PLD5: variants seen among roughly 807,000 people sequenced by gnomAD.
PLD5 encodes the protein inactive phospholipase D5.
Under a neutral mutation model 61.1 loss-of-function variants are expected in PLD5, and 36 were observed. The ratio of observed to expected loss-of-function variants is 0.59; its 90% confidence interval spans 0.45 to 0.78. The LOEUF is 0.78. Ranked by LOEUF, PLD5 falls within the 30% of genes least tolerant of loss-of-function variation. The pLI, the probability that PLD5 is intolerant of heterozygous loss-of-function variation, is 0.00. For missense variants in PLD5, 515 were observed against 644.4 expected, an observed-to-expected ratio of 0.80 and a Z score of 2.17; for synonymous variants, 243 against 242.8, an observed-to-expected ratio of 1.00 and a Z score of -0.01.
chr1:242,470,306 C>G (rs917506602), intron 1 of PLD5, among the ~76,000 whole-genome samples: 2 of 149,822 alleles, frequency 1.3e-5, no homozygotes, highest in Non-Finnish European at 3.0e-5. Context: ...CGCACCACTG[C>G]ACTCCAGCTT....
intron 1 of PLD5, among the ~76,000 whole-genome samples, chr1:242,362,926 A>G (rs1339248420): frequency 6.6e-6 from 1 of 152,122 alleles, no homozygotes; most frequent in Admixed American, 6.5e-5. Context: ...ACCCACACTG[A>G]GTGAGCTTCC....
chr1:242,213,884 C>T (rs184034323), intron 5 of PLD5, among the ~76,000 whole-genome samples: 4 of 151,286 alleles, frequency 2.6e-5, no homozygotes, highest in East Asian at 1.9e-4. Context: ...GCTCACATAC[C>T]GGGACTAAAA....
chr1:242,306,397 T>C (rs12132881), intron 2 of PLD5, among the ~76,000 whole-genome samples: 9,017 of 151,974 alleles, frequency 0.059, 281 homozygotes, highest in Middle Eastern at 0.1. Flanking sequence ...CCTTCCATGC[T>C]CCAGCCTACT....
chr1:242,145,296 A>G (rs1416377347), intron 5 of PLD5, among the ~76,000 whole-genome samples: 6 of 152,318 alleles, frequency 3.9e-5, no homozygotes, highest in South Asian at 2.1e-4. Context: ...TCAAGAGTAG[A>G]CAGTTTCCTC....
intron 1 of PLD5, among the ~76,000 whole-genome samples, chr1:242,500,085 G>T (rs147594946): frequency 6.6e-6 from 1 of 152,128 alleles, no homozygotes; most frequent in Admixed American, 6.5e-5. Context: ...TTCAGATGCC[G>T]CACAGTCTTT....
intron 7 of PLD5, among the ~76,000 whole-genome samples, chr1:242,111,674 G>A (rs953350459): frequency 1.3e-5 from 2 of 152,100 alleles, no homozygotes; most frequent in Admixed American, 6.6e-5. Context: ...AGATAAAGAT[G>A]AGTAACCAGT....
At chr1:242,487,553 T>C (rs975408893) in intron 1 of PLD5, among the ~76,000 whole-genome samples, 2 of 152,132 alleles carry the variant, frequency 1.3e-5, no homozygotes, top group Non-Finnish European at 2.9e-5. Context: ...TAGACTTTAC[T>C]AAAGTTAAAC....
intron 4 of PLD5, among the ~76,000 whole-genome samples, chr1:242,260,096 C>T (rs182645177): frequency 1.3e-5 from 2 of 152,070 alleles, no homozygotes; most frequent in Non-Finnish European, 2.9e-5. Context: ...CGCCTGTACT[C>T]CCAACACTTT....
intron 6 of PLD5, 37 bp downstream of exon 6, chr1:242,124,428 GGAA>G: frequency 6.4e-7 from 1 of 1,572,448 alleles, no homozygotes; most frequent in Non-Finnish European, 8.7e-7. Context: ...AGCCTTTGGA[GGAA>G]GAAGGAGAAG....
intron 4 of PLD5, among the ~76,000 whole-genome samples, chr1:242,228,145 G>C (rs934797337): frequency 6.6e-6 from 1 of 152,184 alleles, no homozygotes; most frequent in Non-Finnish European, 1.5e-5. Context: ...GGGAGGAAAT[G>C]AGCAACTTTA....
chr1:242,312,465 G>C (rs1396626229), intron 2 of PLD5, among the ~76,000 whole-genome samples: 4 of 151,860 alleles, frequency 2.6e-5, no homozygotes, highest in African/African-American at 9.7e-5. Flanking sequence ...TTCTCTAATA[G>C]TCTCGCCTTT....
At chr1:242,440,411 A>AC (rs1159304622) in intron 1 of PLD5, among the ~76,000 whole-genome samples, 2 of 152,126 alleles carry the variant, frequency 1.3e-5, no homozygotes, top group Non-Finnish European at 2.9e-5. Flanking sequence ...TGCAGGCTAC[A>AC]CCCCACCTAA....
At chr1:242,306,755 ACACACACAC>A (rs1676380316) in intron 2 of PLD5, among the ~76,000 whole-genome samples, 1 of 2,084 alleles carries the variant, frequency 4.8e-4, no homozygotes, top group South Asian at 0.12. Context: ...ACACACACAC[ACACACACAC>A]ACACACACAC....
chr1:242,310,479 T>C (rs1188616995), intron 2 of PLD5, among the ~76,000 whole-genome samples: 23 of 152,158 alleles, frequency 1.5e-4, no homozygotes, highest in African/African-American at 9.7e-5. Context: ...CAAATAATCA[T>C]GATTGAGTTT....
chr1:242,144,924 T>C (rs1664442845), intron 5 of PLD5, among the ~76,000 whole-genome samples: 1 of 152,082 alleles, frequency 6.6e-6, no homozygotes, highest in Non-Finnish European at 1.5e-5. Context: ...CTCTAAACAG[T>C]GATATGAATA....
intron 1 of PLD5, among the ~76,000 whole-genome samples, chr1:242,352,884 G>T (rs1370884885): frequency 6.6e-6 from 1 of 152,140 alleles, no homozygotes; most frequent in Non-Finnish European, 1.5e-5. Context: ...TTCTTAATCA[G>T]ATTACTAGTT....
At position 242,187,287 on chromosome 1, in the gene PLD5, T is replaced by C. The variant is rs377167933; in HGVS notation, c.735+32701A>G. Among the ~76,000 whole-genome samples, 53 of 152,322 alleles carry C rather than the reference T, an allele frequency of 3.5e-4. 1 individual carries two copies. In the South Asian group the frequency reaches 0.011, roughly 32 times the overall value. ...ACACAGATGAGAGACCTATGGGGTT[T>C]TCAGCCCCCTTTTGACCATGAGGCA... On this transcript the variant is annotated intron_variant, in intron 5 of 9. Transcript: ENST00000536534.
intron 1 of PLD5, among the ~76,000 whole-genome samples, chr1:242,436,343 C>T (rs1665994507): frequency 6.6e-6 from 1 of 152,152 alleles, no homozygotes; most frequent in Admixed American, 6.5e-5. Flanking sequence ...GTTAAAAAAT[C>T]CATTCAGAAT....
chr1:242,421,185 A>G (rs1435730693), intron 1 of PLD5, among the ~76,000 whole-genome samples: 1 of 151,770 alleles, frequency 6.6e-6, no homozygotes, highest in Non-Finnish European at 1.5e-5. Context: ...TCAAAAAAAA[A>G]AAAAAAAAAA....
Sources: allele counts gnomAD v4.1 joint callset (sites outside exome capture counted in the v4.1 genomes callset), GRCh38; gene constraint gnomAD v4.1.1; transcripts MANE v1.5; gene names NCBI Gene and HGNC (gene_info 2026-07-23, HGNC 2026-07-21).